OSBPL10: variants seen among roughly 807,000 people sequenced by gnomAD.
OSBPL10 encodes oxysterol binding protein like 10.
A neutral mutation model predicts 81.7 loss-of-function variants in OSBPL10; 49 were observed. The ratio of observed to expected loss-of-function variants is 0.60; its 90% CI spans 0.48 to 0.76. The LOEUF (loss-of-function observed/expected upper bound fraction) is 0.76. OSBPL10 is among the 30% of genes least tolerant of loss of function. The pLI, the probability that OSBPL10 is intolerant of heterozygous loss-of-function variation, is 0.00. For missense variants in OSBPL10, 923 were observed against 987.8 expected, an observed-to-expected ratio of 0.93 and a Z score of 0.88; for synonymous variants, 419 against 383.6, an observed-to-expected ratio of 1.09 and a Z score of -1.08.
At position 31,961,906 on chromosome 3, in the gene OSBPL10, G is replaced by GT. The variant is rs1473342863; in HGVS notation, c.281+18992_281+18993insA. Reference sequence around the variant, plus strand: ...ATTTTGGCATCACCAGTTTTGTTTTGGTTTTTTTTTTTTTAAGAGTTTTTT... The same window carrying GT: ...ATTTTGGCATCACCAGTTTTGTTTTGTGTTTTTTTTTTTTTAAGAGTTTTTT... On this transcript the variant is annotated intron_variant, in intron 1 of 11. Coordinates refer to ENST00000396556, the MANE Select transcript of OSBPL10 (RefSeq NM_017784.5). 1.4e-4 allele frequency among the ~76,000 whole-genome samples: 15 copies of GT among 110,398 alleles called. No individual in the cohort carries two copies. In the East Asian group the frequency reaches 2.6e-3, roughly 19 times the overall value. The allele number at this position is 110,398 out of a possible 152,430, so 72.4% of individuals were successfully genotyped here.
intron 8 of OSBPL10, among the ~76,000 whole-genome samples, chr3:31,679,141 G>A (rs1700571030): frequency 6.6e-6 from 1 of 152,038 alleles, no homozygotes; most frequent in South Asian, 2.1e-4. Context: ...CCCAACTTGG[G>A]GCCTTACCAC....
intron 1 of OSBPL10, among the ~76,000 whole-genome samples, chr3:31,894,095 G>A (rs903508736): frequency 8.5e-5 from 13 of 152,302 alleles, no homozygotes; most frequent in South Asian, 4.1e-4. Flanking sequence ...AGTTTCAGTT[G>A]ACAAGATTTG....
At chr3:31,810,111 T>C (rs1259873658) in intron 4 of OSBPL10, among the ~76,000 whole-genome samples, 1 of 152,034 alleles carries the variant, frequency 6.6e-6, no homozygotes, top group Non-Finnish European at 1.5e-5. Context: ...CCTTAGGTGA[T>C]CCACCCACCT....
chr3:32,011,629 G>A (rs972309294), intron 2 of OSBPL10, among the ~76,000 whole-genome samples: 1 of 152,136 alleles, frequency 6.6e-6, no homozygotes, highest in East Asian at 1.9e-4. Context: ...GGCTTCAGAC[G>A]ATCAAACTTC....
At chr3:31,731,355 C>T (rs935203406) in intron 6 of OSBPL10, among the ~76,000 whole-genome samples, 5 of 152,086 alleles carry the variant, frequency 3.3e-5, no homozygotes, top group African/African-American at 1.2e-4. Flanking sequence ...CTTGCTCTGA[C>T]AAAACAATTA....
chr3:32,034,131 G>C (rs1699498164), intron 2 of OSBPL10, among the ~76,000 whole-genome samples: 1 of 152,118 alleles, frequency 6.6e-6, no homozygotes, highest in Non-Finnish European at 1.5e-5. Context: ...ACTATCAGGA[G>C]AACGGCATAG....
At chr3:31,758,063 A>T (rs943834492) in intron 4 of OSBPL10, among the ~76,000 whole-genome samples, 2 of 152,172 alleles carry the variant, frequency 1.3e-5, no homozygotes, top group Non-Finnish European at 2.9e-5. Context: ...AAACTTAAAA[A>T]TCTGCATATC....
At chr3:31,812,743 AAAGAAAG>A (rs1699722812) in intron 4 of OSBPL10, among the ~76,000 whole-genome samples, 7 of 25,966 alleles carry the variant, frequency 2.7e-4, no homozygotes, top group African/African-American at 9.4e-4. Context: ...AGAAAGAAAG[AAAGAAAG>A]AAAGAAAGAA....
chr3:31,871,269 G>C (rs963811945), intron 3 of OSBPL10, among the ~76,000 whole-genome samples: 1 of 151,948 alleles, frequency 6.6e-6, no homozygotes, highest in African/African-American at 2.4e-5. Flanking sequence ...GCGAGACCAT[G>C]AGCCCACCGG....
intron 1 of OSBPL10, among the ~76,000 whole-genome samples, chr3:31,883,770 C>T (rs868692622): frequency 1.3e-5 from 2 of 152,108 alleles, no homozygotes; most frequent in African/African-American, 4.8e-5. Context: ...GTGATCCACC[C>T]GCCTCGGCCT....
chr3:32,000,687 G>T (rs1699136969), intron 2 of OSBPL10, among the ~76,000 whole-genome samples: 1 of 152,158 alleles, frequency 6.6e-6, no homozygotes, highest in Non-Finnish European at 1.5e-5. Context: ...ACTGCAAGGT[G>T]ATCTGGCCAG....
chr3:31,853,453 T>C (rs1389746731), intron 3 of OSBPL10, among the ~76,000 whole-genome samples: 1 of 152,074 alleles, frequency 6.6e-6, no homozygotes, highest in Admixed American at 6.5e-5. Context: ...ATCATCTAAT[T>C]TGTACCACAG....
intron 2 of OSBPL10, among the ~76,000 whole-genome samples, chr3:32,026,460 T>C (rs1699415131): frequency 6.6e-6 from 1 of 152,184 alleles, no homozygotes; most frequent in Non-Finnish European, 1.5e-5. Flanking sequence ...AGGAATGTCT[T>C]TCTTCTTACT....
At chr3:32,039,275 G>A (rs978022771) in intron 2 of OSBPL10, among the ~76,000 whole-genome samples, 10 of 151,508 alleles carry the variant, frequency 6.6e-5, no homozygotes, top group Admixed American at 1.3e-4. Context: ...GCAGTGAGCC[G>A]GGACCATGCC....
At chr3:32,028,776 C>G (rs1699438928) in intron 2 of OSBPL10, among the ~76,000 whole-genome samples, 1 of 151,808 alleles carries the variant, frequency 6.6e-6, no homozygotes, top group Non-Finnish European at 1.5e-5. Flanking sequence ...AGAAATCTGC[C>G]CCTTTTGTGA....
chr3:31,928,043 C>A (rs2125715296), intron 1 of OSBPL10, among the ~76,000 whole-genome samples: 1 of 152,228 alleles, frequency 6.6e-6, no homozygotes, highest in Admixed American at 6.5e-5. Context: ...CAGTGTGAAC[C>A]ACGACCAGTA....
rs147581625 is a variant in OSBPL10 at position 31,744,953 on chromosome 3, G to A, written c.940+2957C>T. ...GCAAGTTACAATATAGGGCAAAAGAGACCACAGAAACTCTGAAAAGTCTCC... is the reference window on the plus strand; with the variant it reads ...GCAAGTTACAATATAGGGCAAAAGAAACCACAGAAACTCTGAAAAGTCTCC... On this transcript the variant is annotated intron_variant, in intron 5 of 11. Coordinates refer to ENST00000396556, the MANE Select transcript of OSBPL10 (RefSeq NM_017784.5). Among the ~76,000 whole-genome samples, 70 of 152,276 alleles carry A rather than the reference G, an allele frequency of 4.6e-4. 1 individual carries two copies. The East Asian group carries it at 0.012, about 26-fold the overall frequency.
intron 2 of OSBPL10, among the ~76,000 whole-genome samples, chr3:32,039,327 A>AAAAT (rs916719817): frequency 1.4e-5 from 2 of 140,058 alleles, no homozygotes; most frequent in African/African-American, 5.1e-5. Context: ...CTCTGTTGCA[A>AAAAT]AAATAAATAA....
At chr3:31,791,393 G>T (rs1180044159) in intron 4 of OSBPL10, among the ~76,000 whole-genome samples, 1 of 152,168 alleles carries the variant, frequency 6.6e-6, no homozygotes, top group African/African-American at 2.4e-5. Context: ...GAAGTCTGTG[G>T]ACAGAGTTAT....
Sources: gnomAD v4.1 joint callset for allele counts (sites outside exome capture counted in the v4.1 genomes callset) on GRCh38, gnomAD v4.1.1 for gene constraint, MANE v1.5 for transcripts, NCBI Gene and HGNC (gene_info 2026-07-23, HGNC 2026-07-21) for gene names.